DOCK3: variants seen among roughly 807,000 people sequenced by gnomAD.
DOCK3 encodes dedicator of cytokinesis 3.
In DOCK3, 60 loss-of-function variants were observed where a neutral mutation model predicts 265.6. That is an observed-to-expected ratio of 0.23 (90% confidence interval 0.18 to 0.28). The LOEUF (loss-of-function observed/expected upper bound fraction) is 0.28. DOCK3 is among the 10% of genes least tolerant of loss of function. The probability of loss-of-function intolerance (pLI) is 1.00; values close to 1 mark genes in which losing one functional copy is unlikely to be tolerated. For synonymous variants in DOCK3, 881 were observed against 938.0 expected (o/e 0.94, Z 1.11); for missense variants, 1,981 against 2,594.3 (o/e 0.76, Z 5.14).
chr3:50,926,068 A>C (rs1213616556), intron 4 of DOCK3, among the ~76,000 whole-genome samples: 1 of 152,026 alleles, frequency 6.6e-6, no homozygotes, highest in African/African-American at 2.4e-5. Flanking sequence ...CCTGACCTCA[A>C]GTGCTCCACC....
At chr3:50,787,172 G>T in intron 2 of DOCK3, 1 of 646,700 alleles carries the variant, frequency 1.5e-6, no homozygotes, top group Non-Finnish European at 2.8e-6. Context: ...CACTTTCCAG[G>T]ACAAACTTAT....
chr3:51,076,353 C>G (rs2082056349), intron 7 of DOCK3, among the ~76,000 whole-genome samples: 1 of 152,144 alleles, frequency 6.6e-6, no homozygotes, highest in Admixed American at 6.6e-5. Flanking sequence ...GTACAGCCAG[C>G]TACTTGGAAG....
rs373703540 is a variant in DOCK3, at chr3:50,738,618, G to A, written c.38-40057G>A. Among the ~76,000 whole-genome samples, 6 of 152,326 alleles carry A rather than the reference G, an allele frequency of 3.9e-5. No homozygotes were observed. In the East Asian group the frequency reaches 7.7e-4, roughly 20 times the overall value. ...GAGGGTAGGTTATAAAGGAAAAAGA[G>A]GGAAGTGATTTGGAGGCATTATCCT... is the stretch of plus-strand genomic sequence containing the variant. On this transcript the variant is annotated intron_variant, in intron 1 of 52. Transcript: ENST00000266037.
Position 50,982,791 on chromosome 3 carries a change from C to T in DOCK3, c.315+48714C>T, listed in dbSNP as rs113192223. On this transcript the variant is annotated intron_variant, in intron 5 of 52. Coordinates refer to ENST00000266037, the MANE Select transcript of DOCK3 (RefSeq NM_004947.5). The stretch of plus-strand genomic sequence containing the variant: ...GTGTGGTCAGGCACAGAGGAGTGGG[C>T]AGAGAGGGGCCCAGCAAGGGGACCT... Among the ~76,000 whole-genome samples, 7 of 152,250 alleles carry T rather than the reference C, an allele frequency of 4.6e-5. 2 individuals carry two copies. The highest frequency in any genetic ancestry group is 1.7e-4 in the African/African-American group (7 of 41,570).
At chr3:50,918,289 TG>T (rs1256593393) in intron 4 of DOCK3, among the ~76,000 whole-genome samples, 1 of 152,138 alleles carries the variant, frequency 6.6e-6, no homozygotes, top group African/African-American at 2.4e-5. Context: ...ATGGGATGGC[TG>T]GGTCAAATGG....
chr3:51,354,104 C>G (rs1316650423), intron 40 of DOCK3, among the ~76,000 whole-genome samples: 1 of 152,086 alleles, frequency 6.6e-6, no homozygotes, highest in African/African-American at 2.4e-5. Flanking sequence ...AAATTTGCTG[C>G]CAAAGGGTTA....
Position 51,381,644 on chromosome 3 carries a change from C to A in DOCK3, c.*85C>A. ...CTGAAAAGCAAGTCCCCCAGCCCCA[C>A]CCCAGGGAGCCAGAGAGGCTTGCAC... is the stretch of plus-strand genomic sequence containing the variant. On this transcript the variant is annotated 3_prime_UTR_variant, in exon 53 of 53. Transcript: ENST00000266037. This position sits in a 1 kb window ranked among gnomAD's most constrained non-coding sequence, Gnocchi z 5.6. The A allele has an allele frequency of 7.0e-7, 1 of 1,429,700 alleles. No homozygotes were observed. The allele number at this position is 1,429,700 out of a possible 1,614,324, so 88.6% of individuals were successfully genotyped here.
chr3:51,077,053 A>T (rs987740869), intron 7 of DOCK3, among the ~76,000 whole-genome samples: 2 of 152,166 alleles, frequency 1.3e-5, no homozygotes, highest in African/African-American at 2.4e-5. Context: ...GTCTAGAGAG[A>T]ATATAAAATG....
At chr3:51,117,326 G>GT (rs2083784652) in intron 9 of DOCK3, among the ~76,000 whole-genome samples, 1 of 152,154 alleles carries the variant, frequency 6.6e-6, no homozygotes. Context: ...CTTGATTGTG[G>GT]TGGATAAGCT....
intron 5 of DOCK3, among the ~76,000 whole-genome samples, chr3:50,950,426 C>G (rs1164852683): frequency 6.6e-6 from 1 of 152,098 alleles, no homozygotes. Flanking sequence ...GTGGTTTTAC[C>G]AACTGCCTGA....
At chr3:50,847,006 A>G (rs1332743010) in intron 3 of DOCK3, among the ~76,000 whole-genome samples, 1 of 150,748 alleles carries the variant, frequency 6.6e-6, no homozygotes, top group Non-Finnish European at 1.5e-5. Context: ...GATTTTAGTT[A>G]TTTGTTTTCT....
intron 32 of DOCK3, 87 bp from the exon 33 acceptor site, chr3:51,330,051 C>T: frequency 5.2e-6 from 7 of 1,336,218 alleles, no homozygotes; most frequent in Non-Finnish European, 6.3e-6. Context: ...AAGTAGTTTC[C>T]CACCATCCTC....
At chr3:51,249,601 G>T in intron 22 of DOCK3, among the ~76,000 whole-genome samples, 1 of 125,594 alleles carries the variant, frequency 8.0e-6, no homozygotes, top group African/African-American at 3.0e-5. Context: ...GAGGGAGGTG[G>T]GGGGGTCAGC....
chr3:50,718,764 T>C (rs1464572459), intron 1 of DOCK3, among the ~76,000 whole-genome samples: 1 of 139,670 alleles, frequency 7.2e-6, no homozygotes, highest in Non-Finnish European at 1.5e-5. Flanking sequence ...TTCAAGTTTG[T>C]GGGTTGATTT....
intron 4 of DOCK3, among the ~76,000 whole-genome samples, chr3:50,910,047 G>A (rs2107911812): frequency 6.6e-6 from 1 of 152,068 alleles, no homozygotes; most frequent in Admixed American, 6.5e-5. Flanking sequence ...TGAATTTCCT[G>A]TGTTTTACTT....
chr3:50,714,094 A>G (rs2036947766), intron 1 of DOCK3, among the ~76,000 whole-genome samples: 1 of 152,152 alleles, frequency 6.6e-6, no homozygotes. Flanking sequence ...TCCTGGGGTT[A>G]TGTGATTCCT....
At chr3:51,375,861 C>G (rs1163895360) in intron 51 of DOCK3, 26 bp downstream of exon 51, 5 of 1,612,782 alleles carry the variant, frequency 3.1e-6, no homozygotes, top group East Asian at 2.2e-5. Context: ...TGGCCTTCCC[C>G]CCATGTCTGT....
chr3:51,130,404 A>G (rs141620699), intron 9 of DOCK3, among the ~76,000 whole-genome samples: 3,381 of 152,286 alleles, frequency 0.022, 66 homozygotes, highest in Non-Finnish European at 0.03. Flanking sequence ...GGCCTTATGG[A>G]CTGGAATGGA....
intron 3 of DOCK3, among the ~76,000 whole-genome samples, chr3:50,873,559 A>G (rs920988487): frequency 1.3e-5 from 2 of 152,144 alleles, no homozygotes; most frequent in Non-Finnish European, 2.9e-5. Flanking sequence ...CTGTTATCTC[A>G]TTAGATTGTG....
Sources: allele counts gnomAD v4.1 joint callset (sites outside exome capture counted in the v4.1 genomes callset), GRCh38; gene constraint gnomAD v4.1.1; non-coding constraint Gnocchi (gnomAD v3.1); transcripts MANE v1.5; gene names NCBI Gene and HGNC (gene_info 2026-07-23, HGNC 2026-07-21).